TAOK3: variants seen among roughly 807,000 people sequenced by gnomAD.
TAOK3 encodes the protein TAO kinase 3.
TAOK3 carries 40 observed loss-of-function variants against 120.4 expected under a neutral mutation model. The ratio of observed to expected loss-of-function variants is 0.33; its 90% CI spans 0.26 to 0.43. TAOK3 has a LOEUF of 0.43. Ranked by LOEUF, TAOK3 falls within the 20% of genes least tolerant of loss-of-function variation. TAOK3 has a pLI of 1.00. For synonymous variants in TAOK3, 355 were observed against 387.5 expected, an observed-to-expected ratio of 0.92 and a Z score of 0.99; for missense variants, 821 against 1,112.1, an observed-to-expected ratio of 0.74 and a Z score of 3.72.
chr12:118,185,070 C>A (rs2036992882), intron 14 of TAOK3, among the ~76,000 whole-genome samples: 1 of 149,704 alleles, frequency 6.7e-6, no homozygotes, highest in African/African-American at 2.5e-5. Context: ...AGACACAGAG[C>A]ACAAGTGGAT....
chr12:118,189,523 CACACAG>C (rs1200931455), intron 14 of TAOK3, among the ~76,000 whole-genome samples: 69 of 127,596 alleles, frequency 5.4e-4, no homozygotes, highest in African/African-American at 1.4e-3. Context: ...TATACAAACA[CACACAG>C]ACACAGACAC....
intron 5 of TAOK3, among the ~76,000 whole-genome samples, chr12:118,241,899 T>C (rs1172006248): frequency 1.3e-5 from 2 of 151,822 alleles, no homozygotes; most frequent in Non-Finnish European, 2.9e-5. Flanking sequence ...TCACCTGAGG[T>C]CGGGAGTTCG....
At chr12:118,188,016 TG>T (rs1256511195) in intron 14 of TAOK3, among the ~76,000 whole-genome samples, 4 of 152,144 alleles carry the variant, frequency 2.6e-5, no homozygotes, top group Non-Finnish European at 5.9e-5. Context: ...TATTCTGGCA[TG>T]GCTGTAGTAA....
rs560573780 is a variant in TAOK3, at chr12:118,304,499, C to A, written c.-193-37740G>T. 5.3e-5 allele frequency among the ~76,000 whole-genome samples: 8 copies of A among 152,186 alleles called. No individual in the cohort carries two copies. In the South Asian group the frequency reaches 1.0e-3, roughly 20 times the overall value. On this transcript the variant is annotated intron_variant, in intron 1 of 20. Coordinates refer to ENST00000392533, the MANE Select transcript of TAOK3 (RefSeq NM_016281.4). The stretch of plus-strand genomic sequence containing the variant: ...ATGATAACTTGATTATTTCTTCATA[C>A]CCCAGTTTAGAAAAATTACCATAAT...
rs922403916 is a variant in TAOK3 at position 118,188,239 on chromosome 12, C to G, written c.1329+1568G>C. On this transcript the variant is annotated intron_variant, in intron 14 of 20. Transcript: ENST00000392533. ...AACGGGTCTGGATAAAGGTCCAAGT[C>G]TCACAAGAGTCGATGGTAAGTAGTC... Among the ~76,000 whole-genome samples the G allele has an allele frequency of 2.0e-5, 3 of 152,324 alleles. No individual in the cohort carries two copies. The East Asian group carries it at 5.8e-4, about 29-fold the overall frequency.
At chr12:118,348,116 GA>G (rs2044952550) in intron 1 of TAOK3, among the ~76,000 whole-genome samples, 2 of 151,460 alleles carry the variant, frequency 1.3e-5, no homozygotes, top group African/African-American at 4.9e-5. Context: ...CACGCCTGCT[GA>G]AAAGGTATCC....
chr12:118,182,619 ATATATTT>A (rs1178030774), intron 14 of TAOK3, among the ~76,000 whole-genome samples: 4 of 94,826 alleles, frequency 4.2e-5, no homozygotes, highest in African/African-American at 2.0e-4. Flanking sequence ...ATATATATAT[ATATATTT>A]TTTTTTTTTT....
Position 118,152,080 on chromosome 12 carries a change from A to G in TAOK3, c.2535+147T>C, listed in dbSNP as rs931687400. 2.4e-5 allele frequency: 17 copies of G among 696,768 alleles called. No homozygotes were observed. In the Admixed American group the frequency reaches 4.1e-4, roughly 17 times the overall value. 43.2% of individuals were successfully genotyped at this position (696,768 alleles called of 1,614,324 possible). ...GGTCTGTAGAAGGGGGACAATGCCT[A>G]CCTCACAAGGGTACCAGTAGCATAA... On this transcript the variant is annotated intron_variant, in intron 20 of 20. Coordinates refer to ENST00000392533, the MANE Select transcript of TAOK3 (RefSeq NM_016281.4).
At chr12:118,164,271 G>A (rs1308935320) in intron 17 of TAOK3, among the ~76,000 whole-genome samples, 1 of 151,158 alleles carries the variant, frequency 6.6e-6, no homozygotes, top group Non-Finnish European at 1.5e-5. Flanking sequence ...AGCTTGCAGG[G>A]AGCCAAGATC....
Position 118,152,312 on chromosome 12 carries a change from T to C in TAOK3, c.2450A>G (p.Lys817Arg), listed in dbSNP as rs1250747236. Reference sequence around the variant, plus strand: ...TTCATGTTGTGCCTCTGTTTGCATCTTGATTTTGCTCTGGTAGGCGTTGAG... The same window carrying C: ...TTCATGTTGTGCCTCTGTTTGCATCCTGATTTTGCTCTGGTAGGCGTTGAG... ...ELLNAYQSKI[K>R]MQTEAQHERE... Residue 817 changes from lysine (K) to arginine (R), a missense_variant, in exon 20 of 21, where the codon AAG (lysine) becomes AGG (arginine). Around this residue, in one of 2 missense-constraint regions of TAOK3, gnomAD observed 354 missense variants for 572.1 expected, o/e 0.62. Transcript: ENST00000392533. The C allele has an allele frequency of 6.2e-7, 1 of 1,614,238 alleles. No individual in the cohort carries two copies. Among genetic ancestry groups the C allele is most frequent in the Admixed American group, 1.7e-5 (1 of 60,018 alleles).
In TAOK3 at chr12:118,200,973, T is replaced by C. The variant is rs116358732; in HGVS notation, c.987+323A>G. 565 of 194,538 alleles carry C rather than the reference T, an allele frequency of 2.9e-3. 4 individuals are homozygous for C. The highest frequency in any genetic ancestry group is 0.012 in the African/African-American group (517 of 43,120). The allele number at this position is 194,538 out of a possible 1,614,324, so 12.1% of individuals were successfully genotyped here. A position where few individuals can be genotyped will look rare whatever the true frequency, so the allele number is the denominator to read the frequency against. On this transcript the variant is annotated intron_variant, in intron 12 of 20. Transcript: ENST00000392533. ...GATAATCTTCCTAAAGCACAACACC[T>C]TTCTGAGTCTAGAACACCCTATGCC...
At chr12:118,195,968 T>A (rs1288799250) in intron 13 of TAOK3, among the ~76,000 whole-genome samples, 1 of 152,018 alleles carries the variant, frequency 6.6e-6, no homozygotes, top group Non-Finnish European at 1.5e-5. Flanking sequence ...GAGAATGGCG[T>A]GAACGCAGGA....
chr12:118,256,065 T>C (rs461801), intron 2 of TAOK3: 99,573 of 150,530 alleles, frequency 0.66, 33,184 homozygotes, highest in South Asian at 0.72. Flanking sequence ...GCCTGGGCAA[T>C]GAGAGGGAAA....
chr12:118,169,130 C>T (rs559557889), intron 17 of TAOK3, among the ~76,000 whole-genome samples: 188 of 152,268 alleles, frequency 1.2e-3, no homozygotes, highest in Admixed American at 2.0e-3. Flanking sequence ...TCTCCCTCCT[C>T]AGCCTCCCAA....
Position 118,244,916 on chromosome 12 carries a change from T to A in TAOK3, c.170A>T (p.Tyr57Phe). Residue 57 changes from tyrosine (Y) to phenylalanine (F), a missense_variant, in exon 4 of 21, where the codon TAT becomes TTT. This residue lies in a region of TAOK3 where 467 missense variants were observed against 540.0 expected (regional missense o/e 0.86). Transcript: ENST00000392533. ...SEVVAIKKMS[Y>F]SGKQTHEKWQ... Reference sequence around the variant, plus strand: ...CACCTCATGGGTCTGCTTCCCACTATAGGACATCTTCTTAATTGCCACCAC... The same window carrying A: ...CACCTCATGGGTCTGCTTCCCACTAAAGGACATCTTCTTAATTGCCACCAC... 1 of 1,608,970 alleles carries A rather than the reference T, an allele frequency of 6.2e-7. No homozygotes were observed. The highest frequency in any genetic ancestry group is 1.7e-4 in the Middle Eastern group (1 of 6,042).
intron 3 of TAOK3, among the ~76,000 whole-genome samples, chr12:118,247,488 T>C (rs372942943): frequency 5.6e-4 from 85 of 151,384 alleles, no homozygotes; most frequent in Non-Finnish European, 7.1e-4. Flanking sequence ...TATATATATA[T>C]ACACACACAC....
rs1379202412 is a variant in TAOK3, at chr12:118,199,079, T to G, written c.1166A>C (p.Asn389Thr). The part of the protein sequence containing the change: ...VMMHDDESTI[N>T]SSSSVVHKKD... ...CTTATGCACGACGGAGGAGCTGGAA[T>G]TGATTGTGCTTTCGTCATCGTGCAT... The change falls in exon 13 of 21, where the codon AAT becomes ACT. Residue 389 changes from asparagine (N) to threonine (T), a missense_variant. Physicochemically the swap from Asn to Thr is moderately conservative, Grantham distance 65. This residue lies in a region of TAOK3 where 467 missense variants were observed against 540.0 expected (regional missense o/e 0.86). Coordinates refer to ENST00000392533, the MANE Select transcript of TAOK3 (RefSeq NM_016281.4). 1.2e-6 allele frequency: 2 copies of G among 1,614,082 alleles called. No individual in the cohort carries two copies. The highest frequency in any genetic ancestry group is 2.7e-5 in the African/African-American group (2 of 74,932).
intron 20 of TAOK3, among the ~76,000 whole-genome samples, chr12:118,151,695 A>G (rs930528453): frequency 2.0e-5 from 3 of 152,230 alleles, no homozygotes; most frequent in Non-Finnish European, 4.4e-5. Flanking sequence ...AACAGCTTTG[A>G]GATGCCTTAT....
chr12:118,285,023 T>C (rs1384218040), intron 1 of TAOK3, among the ~76,000 whole-genome samples: 1 of 149,026 alleles, frequency 6.7e-6, no homozygotes, highest in Non-Finnish European at 1.5e-5. Context: ...AAAAAAAAAA[T>C]CAAGCCCCTT....
Sources: allele counts gnomAD v4.1 joint callset (sites outside exome capture counted in the v4.1 genomes callset), GRCh38; gene constraint gnomAD v4.1.1; regional missense constraint gnomAD v4.1.1; transcripts MANE v1.5; gene names NCBI Gene and HGNC (gene_info 2026-07-23, HGNC 2026-07-21).